The following SEPTIN11 variants were observed in gnomAD, a reference collection of about 807,000 sequenced individuals.
The protein encoded by SEPTIN11 is septin 11, also known as septin-11.
SEPTIN11 carries 25 observed loss-of-function variants against 51.4 expected under a neutral mutation model. The ratio of observed to expected loss-of-function variants is 0.49; its 90% confidence interval spans 0.35 to 0.68. The LOEUF is 0.68. Among genes scored for constraint, SEPTIN11 ranks in the 30% least tolerant of loss-of-function variants. SEPTIN11 has a pLI of 0.00. For synonymous variants in SEPTIN11, 174 were observed against 184.1 expected, an observed-to-expected ratio of 0.95 and a Z score of 0.44; for missense variants, 381 against 520.8, an observed-to-expected ratio of 0.73 and a Z score of 2.61.
At chr4:76,956,480 G>A (rs867888424) in intron 1 of SEPTIN11, among the ~76,000 whole-genome samples, 14 of 152,306 alleles carry the variant, frequency 9.2e-5, no homozygotes, top group South Asian at 6.2e-4. Flanking sequence ...CCATGTTTTG[G>A]TGGCTTACAT....
chr4:76,978,056 A>T (rs190677196), intron 1 of SEPTIN11, among the ~76,000 whole-genome samples: 2 of 152,224 alleles, frequency 1.3e-5, no homozygotes, highest in African/African-American at 4.8e-5. Context: ...CAGCTTTGCC[A>T]GAGAAAAGTA....
At chr4:76,972,866 T>C (rs1722307094) in intron 1 of SEPTIN11, 1 of 152,174 alleles carries the variant, frequency 6.6e-6, no homozygotes, top group Admixed American at 6.5e-5. Context: ...TCTCATTCTG[T>C]CAACAGACTT....
At position 77,036,651 on chromosome 4, in the gene SEPTIN11, T is replaced by G; in HGVS notation, c.*2139T>G. 1 of 1,320,214 alleles carries G rather than the reference T, an allele frequency of 7.6e-7. No homozygotes were observed. Among genetic ancestry groups the G allele is most frequent in the Non-Finnish European group, 9.9e-7 (1 of 1,013,774 alleles). 81.8% of individuals were successfully genotyped at this position (1,320,214 alleles called of 1,614,324 possible). On this transcript the variant is annotated 3_prime_UTR_variant, in exon 10 of 10. Coordinates refer to ENST00000264893, the MANE Select transcript of SEPTIN11 (RefSeq NM_018243.4). ...AAAGTCAAAAGAAACAAATAGAAGC[T>G]TTTTTTTTTAAAAAATGTATTGCTT...
At position 77,035,444 on chromosome 4, in the gene SEPTIN11, A is replaced by G. The variant is rs896683391; in HGVS notation, c.*932A>G. 4.9e-5 allele frequency: 48 copies of G among 985,168 alleles called. No individual in the cohort carries two copies. The highest frequency in any genetic ancestry group is 5.8e-5 in the Non-Finnish European group (48 of 829,786). The allele number at this position is 985,168 out of a possible 1,614,324, so 61.0% of individuals were successfully genotyped here. A position where few individuals can be genotyped will look rare whatever the true frequency, so the allele number is the denominator to read the frequency against. On this transcript the variant is annotated 3_prime_UTR_variant, in exon 10 of 10. Coordinates refer to ENST00000264893, the MANE Select transcript of SEPTIN11 (RefSeq NM_018243.4). ...GTACTTCTAATAACATTTTTCATGA[A>G]TCATGAGAAAATTTCCACAGATACT...
chr4:77,020,614 C>T lies in SEPTIN11; in HGVS notation c.897C>T (p.Arg299=). Residue 299 remains arginine (R), a synonymous_variant, in exon 7 of 10, where the codon CGC becomes CGT. Coordinates refer to ENST00000264893, the MANE Select transcript of SEPTIN11 (RefSeq NM_018243.4). ...CCCGCCACTATGAATTGTACCGACG[C>T]TGTAAGCTTGAAGAGATGGGGTTCA... ...THTRHYELYR[R]CKLEEMGFKD... is the part of the protein sequence containing the mutation. The T allele has an allele frequency of 6.2e-7, 1 of 1,614,122 alleles. No homozygotes were observed. Among genetic ancestry groups the T allele is most frequent in the Non-Finnish European group, 8.5e-7 (1 of 1,180,016 alleles).
intron 3 of SEPTIN11, among the ~76,000 whole-genome samples, chr4:77,009,011 T>A (rs1027294856): frequency 2.0e-5 from 3 of 152,296 alleles, no homozygotes; most frequent in African/African-American, 7.2e-5. Context: ...TGATGAGGAG[T>A]ACAAAACCAC....
intron 2 of SEPTIN11, 56 bp downstream of exon 2, chr4:76,996,595 A>C: frequency 4.1e-6 from 5 of 1,208,824 alleles, no homozygotes; most frequent in South Asian, 1.2e-5. Flanking sequence ...TTGACAGGTA[A>C]CTGTCGGAGA....
intron 5 of SEPTIN11, 42 bp from the exon 6 acceptor site, chr4:77,019,123 G>C (rs755354868): frequency 6.4e-7 from 1 of 1,566,558 alleles, no homozygotes; most frequent in Admixed American, 1.8e-5. Flanking sequence ...CAGTCTGTCA[G>C]AGCAGGGGAA....
intron 9 of SEPTIN11, among the ~76,000 whole-genome samples, chr4:77,033,802 A>G (rs1726848733): frequency 1.3e-5 from 2 of 151,982 alleles, no homozygotes; most frequent in African/African-American, 4.8e-5. Context: ...CCAACCATCC[A>G]CTCATCTTTT....
intron 6 of SEPTIN11, among the ~76,000 whole-genome samples, chr4:77,019,721 G>T (rs1560739752): frequency 6.6e-6 from 1 of 152,142 alleles, no homozygotes; most frequent in Admixed American, 6.5e-5. Context: ...TGGCACTGTG[G>T]GACATGGCCA....
At chr4:76,950,628 C>T (rs936838021) in intron 1 of SEPTIN11, among the ~76,000 whole-genome samples, 1 of 151,902 alleles carries the variant, frequency 6.6e-6, no homozygotes, top group Non-Finnish European at 1.5e-5. Flanking sequence ...CGGGCGGGTG[C>T]GTGAAGAATC....
chr4:76,993,702 AG>A (rs1723504620), intron 1 of SEPTIN11, among the ~76,000 whole-genome samples: 5 of 152,298 alleles, frequency 3.3e-5, no homozygotes, highest in Admixed American at 3.3e-4. Flanking sequence ...AATACTGGGC[AG>A]AGAATTAGGC....
intron 3 of SEPTIN11, among the ~76,000 whole-genome samples, chr4:77,006,558 G>T (rs1245842990): frequency 2.0e-5 from 3 of 152,114 alleles, no homozygotes; most frequent in African/African-American, 7.2e-5. Context: ...AAATAAAACT[G>T]CCCCAGGTCC....
chr4:76,978,515 C>T (rs1358806435), intron 1 of SEPTIN11, among the ~76,000 whole-genome samples: 2 of 152,116 alleles, frequency 1.3e-5, no homozygotes, highest in Admixed American at 6.5e-5. Flanking sequence ...AATGTAGTGG[C>T]CTGGGCTTTG....
chr4:76,995,810 G>C (rs1723674093), intron 1 of SEPTIN11: 1 of 1,531,412 alleles, frequency 6.5e-7, no homozygotes, highest in African/African-American at 1.4e-5. Context: ...CAAAACTCCA[G>C]CAGTTACAGA....
At position 76,986,323 on chromosome 4, in the gene SEPTIN11, G is replaced by A. The variant is rs1245121467; in HGVS notation, c.28-10102G>A. ...GAATGGGGATAGGCTGAGTTCCACC[G>A]AGATGTTGGCTTAGAGATGCCTGGG... On this transcript the variant is annotated intron_variant, in intron 1 of 9. Coordinates refer to ENST00000264893, the MANE Select transcript of SEPTIN11 (RefSeq NM_018243.4). Among the ~76,000 whole-genome samples the A allele has an allele frequency of 3.3e-5, 5 of 152,018 alleles. No homozygotes were observed. The East Asian group carries it at 5.8e-4, about 18-fold the overall frequency.
At chr4:77,002,466 T>C (rs1246545842) in intron 2 of SEPTIN11, among the ~76,000 whole-genome samples, 2 of 152,216 alleles carry the variant, frequency 1.3e-5, no homozygotes, top group South Asian at 2.1e-4. Context: ...GCCTTTCCCA[T>C]GAAGGAGAAA....
intron 7 of SEPTIN11, among the ~76,000 whole-genome samples, chr4:77,022,937 G>A (rs1388030756): frequency 6.6e-6 from 1 of 152,138 alleles, no homozygotes; most frequent in Non-Finnish European, 1.5e-5. Context: ...GGAGCCTGGG[G>A]ATTGTGAGGA....
At chr4:76,960,030 A>C (rs1721761570) in intron 1 of SEPTIN11, among the ~76,000 whole-genome samples, 1 of 152,150 alleles carries the variant, frequency 6.6e-6, no homozygotes, top group South Asian at 2.1e-4. Context: ...TTTTAAATGT[A>C]CCCCAAGAGT....
Sources: gnomAD v4.1 joint callset for allele counts (sites outside exome capture counted in the v4.1 genomes callset) on GRCh38, gnomAD v4.1.1 for gene constraint, MANE v1.5 for transcripts, NCBI Gene and HGNC (gene_info 2026-07-23, HGNC 2026-07-21) for gene names.